CMSS1: variants seen among roughly 807,000 people sequenced by gnomAD.
The protein encoded by CMSS1 is protein CMSS1.
In CMSS1, 33 loss-of-function variants were observed where a neutral mutation model predicts 43.5. The observed-to-expected ratio is 0.76, with a 90% CI of 0.57 to 1.01. CMSS1 has a LOEUF of 1.01. Among genes scored for constraint, CMSS1 ranks in the 50% least tolerant of loss-of-function variants. CMSS1 has a pLI of 0.00. For missense variants in CMSS1, 313 were observed against 326.4 expected, an observed-to-expected ratio of 0.96 and a Z score of 0.32; for synonymous variants, 115 against 117.2, an observed-to-expected ratio of 0.98 and a Z score of 0.12.
intron 1 of CMSS1, among the ~76,000 whole-genome samples, chr3:99,897,577 C>T (rs748349584): frequency 5.9e-5 from 9 of 151,932 alleles, no homozygotes; most frequent in Non-Finnish European, 1.2e-4. Context: ...ATATTATTGC[C>T]AAGACAATGG....
intron 1 of CMSS1, among the ~76,000 whole-genome samples, chr3:99,998,745 A>G (rs1262067225): frequency 1.3e-5 from 2 of 152,010 alleles, no homozygotes; most frequent in African/African-American, 4.8e-5. Context: ...TTGTTTTTGT[A>G]TTTTTAGTAG....
chr3:100,164,942 T>G (rs1217787805), intron 4 of CMSS1, among the ~76,000 whole-genome samples: 2 of 152,270 alleles, frequency 1.3e-5, no homozygotes, highest in African/African-American at 2.4e-5. Flanking sequence ...TTAATTAGGA[T>G]TTCAAGGTTG....
chr3:99,834,566 A>G (rs1296081692), intron 1 of CMSS1, among the ~76,000 whole-genome samples: 1 of 152,218 alleles, frequency 6.6e-6, no homozygotes, highest in Non-Finnish European at 1.5e-5. Flanking sequence ...GTTAAAATAA[A>G]ATATACTAAC....
intron 1 of CMSS1, among the ~76,000 whole-genome samples, chr3:99,903,530 G>C (rs141643019): frequency 0.024 from 3,696 of 152,238 alleles, 84 homozygotes; most frequent in East Asian, 0.13. Context: ...GATTACAGGC[G>C]TGAGCCACCG....
intron 1 of CMSS1, among the ~76,000 whole-genome samples, chr3:99,977,721 T>C (rs550383901): frequency 6.6e-6 from 1 of 152,262 alleles, no homozygotes; most frequent in East Asian, 1.9e-4. Context: ...GAGAATGGAA[T>C]CATTTGGATG....
At chr3:99,846,028 A>G (rs1301997142) in intron 1 of CMSS1, among the ~76,000 whole-genome samples, 3 of 152,240 alleles carry the variant, frequency 2.0e-5, no homozygotes, top group African/African-American at 7.2e-5. Flanking sequence ...ACTTTATTAT[A>G]GAGAATTTCT....
chr3:99,911,968 T>C (rs1186588152), intron 1 of CMSS1, among the ~76,000 whole-genome samples: 3 of 152,220 alleles, frequency 2.0e-5, no homozygotes, highest in Non-Finnish European at 4.4e-5. Flanking sequence ...AATCATTTGC[T>C]TTCAGTTCCA....
intron 1 of CMSS1, chr3:99,849,389 C>T: frequency 1.2e-6 from 2 of 1,614,222 alleles, no homozygotes; most frequent in Non-Finnish European, 1.7e-6. Flanking sequence ...TTTTCAATCT[C>T]TCTTCCTAAA....
chr3:100,016,291 C>T (rs140823515), intron 1 of CMSS1, among the ~76,000 whole-genome samples: 3,722 of 152,294 alleles, frequency 0.024, 119 homozygotes, highest in Admixed American at 0.084. Flanking sequence ...CTCCTGGGTT[C>T]AAGTGATTCT....
intron 1 of CMSS1, among the ~76,000 whole-genome samples, chr3:99,877,282 G>A (rs1375320319): frequency 6.6e-5 from 10 of 152,158 alleles, no homozygotes; most frequent in Admixed American, 6.5e-4. Context: ...CTATTATGAT[G>A]TACATATGTC....
chr3:100,170,160 AG>A (rs2067098367), intron 6 of CMSS1, among the ~76,000 whole-genome samples: 2 of 152,240 alleles, frequency 1.3e-5, no homozygotes, highest in Admixed American at 1.3e-4. Context: ...CCATGGAGAA[AG>A]CTTATGTGTA....
intron 1 of CMSS1, among the ~76,000 whole-genome samples, chr3:100,093,615 G>GTA (rs1342331913): frequency 2.0e-5 from 3 of 152,114 alleles, no homozygotes; most frequent in Non-Finnish European, 4.4e-5. Flanking sequence ...GTCACAACCA[G>GTA]TATATTTACA....
At chr3:100,028,121 C>A (rs553716421) in intron 1 of CMSS1, among the ~76,000 whole-genome samples, 40 of 152,310 alleles carry the variant, frequency 2.6e-4, no homozygotes, top group Non-Finnish European at 5.1e-4. Flanking sequence ...ATTTATTAAA[C>A]ACTAATGCCA....
intron 1 of CMSS1, among the ~76,000 whole-genome samples, chr3:100,065,700 T>C (rs2065652212): frequency 6.6e-6 from 1 of 152,238 alleles, no homozygotes; most frequent in African/African-American, 2.4e-5. Flanking sequence ...TTGTTTTCCT[T>C]GCTATGTCAT....
intron 1 of CMSS1, among the ~76,000 whole-genome samples, chr3:100,096,330 G>T (rs947119353): frequency 4.6e-5 from 7 of 152,180 alleles, no homozygotes; most frequent in African/African-American, 9.7e-5. Flanking sequence ...TTGCAGCACT[G>T]TTCACAATAG....
chr3:99,985,658 G>A (rs1423180085), intron 1 of CMSS1, among the ~76,000 whole-genome samples: 8 of 151,298 alleles, frequency 5.3e-5, no homozygotes, highest in African/African-American at 1.9e-4. Flanking sequence ...GCATGATCTC[G>A]GCTCACTGCA....
At chr3:100,137,067 G>C (rs1185890477) in intron 1 of CMSS1, among the ~76,000 whole-genome samples, 1 of 152,204 alleles carries the variant, frequency 6.6e-6, no homozygotes, top group East Asian at 1.9e-4. Context: ...TTTGGATATG[G>C]GAATTGTGTT....
intron 1 of CMSS1, among the ~76,000 whole-genome samples, chr3:100,132,834 A>G (rs898553594): frequency 1.1e-4 from 17 of 149,366 alleles, no homozygotes; most frequent in African/African-American, 2.3e-4. Context: ...AAAAAAAAAA[A>G]AAAAAAGAAA....
At chr3:99,913,916 T>G (rs765102843) in intron 1 of CMSS1, among the ~76,000 whole-genome samples, 6 of 152,112 alleles carry the variant, frequency 3.9e-5, no homozygotes, top group Non-Finnish European at 5.9e-5. Context: ...TATTTCAGAG[T>G]GTTACTGAGA....
Sources: gnomAD v4.1 joint callset for allele counts (sites outside exome capture counted in the v4.1 genomes callset) on GRCh38, gnomAD v4.1.1 for gene constraint, MANE v1.5 for transcripts, NCBI Gene and HGNC (gene_info 2026-07-23, HGNC 2026-07-21) for gene names.